Variants in THSD7A observed in about 807,000 individuals in gnomAD.
THSD7A encodes the protein thrombospondin type 1 domain containing 7A.
Under a neutral mutation model 231.3 loss-of-function variants are expected in THSD7A, and 96 were observed. That is an observed-to-expected ratio of 0.41 (90% CI 0.35 to 0.49). The LOEUF (loss-of-function observed/expected upper bound fraction) is 0.49. Among genes scored for constraint, THSD7A ranks in the 20% least tolerant of loss-of-function variants. The pLI, the probability that THSD7A is intolerant of heterozygous loss-of-function variation, is 0.05. For missense variants in THSD7A, 2,290 were observed against 2,070.2 expected, an observed-to-expected ratio of 1.11 and a Z score of -2.06; for synonymous variants, 940 against 743.3, an observed-to-expected ratio of 1.26 and a Z score of -4.30.
chr7:11,695,775 C>T (rs1321721140), intron 1 of THSD7A, among the ~76,000 whole-genome samples: 1 of 151,412 alleles, frequency 6.6e-6, no homozygotes, highest in Non-Finnish European at 1.5e-5. Context: ...ATAGTTTGGG[C>T]TTCATCTTGA....
chr7:11,731,760 T>C (rs1781743141), intron 1 of THSD7A, among the ~76,000 whole-genome samples: 1 of 151,666 alleles, frequency 6.6e-6, no homozygotes, highest in Non-Finnish European at 1.5e-5. Flanking sequence ...TCACACAGCC[T>C]TTGCAAAAGA....
chr7:11,583,750 G>C (rs1160213431), intron 4 of THSD7A, among the ~76,000 whole-genome samples: 1 of 152,086 alleles, frequency 6.6e-6, no homozygotes, highest in African/African-American at 2.4e-5. Flanking sequence ...TTTTTATCTA[G>C]AGAGTTTTTG....
intron 1 of THSD7A, among the ~76,000 whole-genome samples, chr7:11,830,116 C>T (rs1023923809): frequency 1.3e-5 from 2 of 152,196 alleles, no homozygotes; most frequent in South Asian, 2.1e-4. Context: ...ATCAAGGTCT[C>T]CATATCATTG....
intron 1 of THSD7A, among the ~76,000 whole-genome samples, chr7:11,676,652 T>C (rs1783649277): frequency 6.6e-6 from 1 of 151,864 alleles, no homozygotes; most frequent in Admixed American, 6.6e-5. Context: ...TTCAATCAAG[T>C]GGAAGAAAGG....
chr7:11,382,037 TC>T (rs1288264071), intron 24 of THSD7A, among the ~76,000 whole-genome samples: 1 of 152,160 alleles, frequency 6.6e-6, no homozygotes, highest in Admixed American at 6.6e-5. Flanking sequence ...CAGTAGGTCT[TC>T]CCTATTAATT....
intron 20 of THSD7A, 83 bp from the exon 21 acceptor site, chr7:11,407,138 T>A (rs753829552): frequency 2.7e-5 from 42 of 1,541,080 alleles, no homozygotes; most frequent in Non-Finnish European, 3.6e-5. Flanking sequence ...GGCATCACAG[T>A]GATATCTCCT....
At chr7:11,736,010 C>T (rs996691054) in intron 1 of THSD7A, among the ~76,000 whole-genome samples, 1 of 151,598 alleles carries the variant, frequency 6.6e-6, no homozygotes, top group African/African-American at 2.4e-5. Flanking sequence ...TTTAGATACC[C>T]ACATATTAAA....
At chr7:11,820,320 C>A in intron 1 of THSD7A, 1 of 759,782 alleles carries the variant, frequency 1.3e-6, no homozygotes, top group South Asian at 3.6e-5. Context: ...GTGGACCCTA[C>A]TCGGTTGTGG....
chr7:11,526,683 G>T (rs917941373), intron 6 of THSD7A, among the ~76,000 whole-genome samples: 8 of 152,118 alleles, frequency 5.3e-5, no homozygotes, highest in Admixed American at 4.6e-4. Context: ...TTTTAAAAGT[G>T]TTTGGCAGTT....
intron 1 of THSD7A, among the ~76,000 whole-genome samples, chr7:11,705,355 T>C (rs542140689): frequency 6.6e-6 from 1 of 151,218 alleles, no homozygotes; most frequent in South Asian, 2.1e-4. Flanking sequence ...TATTATAAAT[T>C]GCAATAATTT....
chr7:11,501,344 A>G (rs930166761), intron 6 of THSD7A, among the ~76,000 whole-genome samples: 1 of 152,246 alleles, frequency 6.6e-6, no homozygotes, highest in Admixed American at 6.5e-5. Context: ...TCATTGCCAC[A>G]TGGCACATAC....
rs201023168 is a variant in THSD7A at position 11,636,521 on chromosome 7, C to T, written c.631G>A (p.Gly211Ser). 1.1e-5 allele frequency: 17 copies of T among 1,613,884 alleles called. No homozygotes were observed. In the African/African-American group the frequency reaches 1.1e-4, roughly 10 times the overall value. Residue 211 changes from glycine to serine, a missense_variant, in exon 2 of 28, where the codon GGC becomes AGC. By Grantham distance (56) the Gly-to-Ser change is moderately conservative (BLOSUM62 0). Transcript: ENST00000423059. The surrounding 1 kb of genome is among the most constrained non-coding windows in gnomAD (Gnocchi z 10.0). ...SAWSECSKTC[G>S]SGLQHRTRHV... ...CGCGTCCGGTGCTGGAGCCCGCTGC[C>T]GCAGGTCTTGGAGCATTCGGACCAG...
intron 1 of THSD7A, among the ~76,000 whole-genome samples, chr7:11,751,828 C>G (rs1175661179): frequency 6.6e-6 from 1 of 152,020 alleles, no homozygotes; most frequent in Admixed American, 6.6e-5. Flanking sequence ...TTATATGAAT[C>G]GGTCCCATCC....
At chr7:11,449,405 G>C (rs532718592) in intron 11 of THSD7A, among the ~76,000 whole-genome samples, 3 of 151,894 alleles carry the variant, frequency 2.0e-5, no homozygotes, top group Non-Finnish European at 4.4e-5. Flanking sequence ...TGATCCTTAC[G>C]CAGATTCAAG....
rs191007440 is a variant in THSD7A, at chr7:11,416,385, A to C, written c.3537+1065T>G. On this transcript the variant is annotated intron_variant, in intron 17 of 27. Transcript: ENST00000423059. The stretch of plus-strand genomic sequence containing the variant: ...AATATGATATCTGACAAAAAATCTC[A>C]CTGTTATAAACACAGACAGTGTAGC... Among the ~76,000 whole-genome samples, 17 of 152,316 alleles carry C rather than the reference A, an allele frequency of 1.1e-4. 1 individual carries two copies. Among genetic ancestry groups the C allele is most frequent in the South Asian group, 8.3e-4 (4 of 4,826 alleles).
At chr7:11,586,069 G>C (rs1372483478) in intron 4 of THSD7A, among the ~76,000 whole-genome samples, 1 of 152,082 alleles carries the variant, frequency 6.6e-6, no homozygotes, top group Admixed American at 6.6e-5. Context: ...GCCATCATGG[G>C]TTCTAGTCCT....
At chr7:11,730,349 A>G (rs1489462345) in intron 1 of THSD7A, among the ~76,000 whole-genome samples, 1 of 151,590 alleles carries the variant, frequency 6.6e-6, no homozygotes. Context: ...AGAAAAATAA[A>G]TGGAGTTCCT....
intron 13 of THSD7A, among the ~76,000 whole-genome samples, chr7:11,445,690 A>T (rs1373899992): frequency 6.6e-6 from 1 of 152,014 alleles, no homozygotes; most frequent in Non-Finnish European, 1.5e-5. Context: ...AACTGATTCA[A>T]ATCTTATTTC....
At chr7:11,454,090 T>A (rs1326738724) in intron 11 of THSD7A, among the ~76,000 whole-genome samples, 1 of 152,030 alleles carries the variant, frequency 6.6e-6, no homozygotes, top group Non-Finnish European at 1.5e-5. Flanking sequence ...ATAAGCTGTC[T>A]ATTCACTTCA....
Sources: allele counts gnomAD v4.1 joint callset (sites outside exome capture counted in the v4.1 genomes callset), GRCh38; gene constraint gnomAD v4.1.1; non-coding constraint Gnocchi (gnomAD v3.1); transcripts MANE v1.5; gene names NCBI Gene and HGNC (gene_info 2026-07-23, HGNC 2026-07-21).